BORCS8: variants seen among roughly 807,000 people sequenced by gnomAD.
BORCS8 encodes the protein BLOC-1-related complex subunit 8.
Under a neutral mutation model 18.7 loss-of-function variants are expected in BORCS8, and 13 were observed. The observed-to-expected ratio is 0.70, with a 90% CI of 0.45 to 1.11. The LOEUF is 1.11. Among genes scored for constraint, BORCS8 ranks in the 50% least tolerant of loss-of-function variants. BORCS8 has a pLI of 0.00. For synonymous variants in BORCS8, 68 were observed against 64.8 expected (o/e 1.05, Z -0.24); for missense variants, 165 against 165.7 (o/e 1.00, Z 0.02).
chr19:19,190,317 G>C (rs1267422913), intron 1 of BORCS8, among the ~76,000 whole-genome samples: 4 of 152,216 alleles, frequency 2.6e-5, no homozygotes, highest in Non-Finnish European at 4.4e-5. Flanking sequence ...TTGCTACAGA[G>C]ATGAATCCAA....
intron 5 of BORCS8, chr19:19,180,392 C>T (rs1186012052): frequency 2.2e-6 from 1 of 455,990 alleles, no homozygotes; most frequent in East Asian, 4.5e-5. Flanking sequence ...GGGCTCCCTT[C>T]TCTGTCTTGG....
chr19:19,184,255 G>A (rs1327938178), intron 3 of BORCS8, among the ~76,000 whole-genome samples: 1 of 151,264 alleles, frequency 6.6e-6, no homozygotes. Flanking sequence ...GGCACAGCTA[G>A]AGGAAGCAGA....
intron 1 of BORCS8, among the ~76,000 whole-genome samples, chr19:19,191,272 G>C (rs1408797512): frequency 6.6e-6 from 1 of 151,568 alleles, no homozygotes; most frequent in Non-Finnish European, 1.5e-5. Flanking sequence ...GCAGTGAGCT[G>C]AGATCCCCCC....
At chr19:19,181,869 A>C (rs984435218) in intron 4 of BORCS8, 1 of 985,358 alleles carries the variant, frequency 1.0e-6, no homozygotes, top group African/African-American at 1.7e-5. Flanking sequence ...TGCTCCTGGC[A>C]CATGAGTGTG....
At position 19,182,725 on chromosome 19, in the gene BORCS8, A is replaced by G; in HGVS notation, c.216-42T>C. ...GGCCTGGTCAGCGCTCCGGACCTGC[A>G]GGTAACTGTCCCACACCCCAGCACT... On this transcript the variant is annotated intron_variant, in intron 3 of 5. Transcript: ENST00000462790. This position sits in a 1 kb window ranked among gnomAD's most constrained non-coding sequence, Gnocchi z 4.1. The G allele has an allele frequency of 5.2e-6, 8 of 1,527,542 alleles. No individual in the cohort carries two copies. The highest frequency in any genetic ancestry group is 7.0e-6 in the Non-Finnish European group (8 of 1,135,296). 94.6% of individuals were successfully genotyped at this position (1,527,542 alleles called of 1,614,324 possible).
Position 19,182,391 on chromosome 19 carries a change from C to T in BORCS8, c.326+182G>A. 1 of 1,398,426 alleles carries T rather than the reference C, an allele frequency of 7.2e-7. No individual in the cohort carries two copies. Among genetic ancestry groups the T allele is most frequent in the South Asian group, 1.5e-5 (1 of 65,912 alleles). The allele number at this position is 1,398,426 out of a possible 1,614,324, so 86.6% of individuals were successfully genotyped here. On this transcript the variant is annotated intron_variant, in intron 4 of 5. Transcript: ENST00000462790. This position sits in a 1 kb window ranked among gnomAD's most constrained non-coding sequence, Gnocchi z 4.1. ...CCAGGCACACAGCAGAGCGCAGGAC[C>T]TCGGTATTAAGTGACTGAACTCAGG...
At chr19:19,180,603 G>A in intron 5 of BORCS8, 83 bp downstream of exon 5, 1 of 950,060 alleles carries the variant, frequency 1.1e-6, no homozygotes, top group Non-Finnish European at 1.7e-6. Flanking sequence ...GGTTAGACAA[G>A]CAGGTGCCTG....
intron 3 of BORCS8, among the ~76,000 whole-genome samples, chr19:19,185,259 T>C (rs950257459): frequency 2.0e-5 from 3 of 152,128 alleles, no homozygotes; most frequent in Non-Finnish European, 4.4e-5. Context: ...CCATGTCAGG[T>C]GCAAACAGCA....
chr19:19,185,273 C>T (rs1210286343), intron 3 of BORCS8, among the ~76,000 whole-genome samples: 1 of 152,234 alleles, frequency 6.6e-6, no homozygotes, highest in African/African-American at 2.4e-5. Context: ...AACAGCATGT[C>T]TGTGCAAAGT....
intron 4 of BORCS8, among the ~76,000 whole-genome samples, chr19:19,181,718 A>C (rs1485615759): frequency 6.6e-6 from 1 of 152,172 alleles, no homozygotes; most frequent in Non-Finnish European, 1.5e-5. Context: ...TCCCATTCTT[A>C]CACATACACT....
chr19:19,180,781 G>A lies in BORCS8; in HGVS notation c.327-20C>T, dbSNP rs2060340758. 3 of 1,540,572 alleles carry A rather than the reference G, an allele frequency of 1.9e-6. No individual in the cohort carries two copies. Among genetic ancestry groups the A allele is most frequent in the Admixed American group, 4.0e-5 (2 of 49,696 alleles). ...TCCGGGCTGCAACAAAACATGTGCA[G>A]CATCCATGAGGCCAAGGTCAGAGGC... On this transcript the variant is annotated intron_variant, in intron 4 of 5. Coordinates refer to ENST00000462790, the MANE Select transcript of BORCS8 (RefSeq NM_001145784.2).
chr19:19,183,924 C>T (rs2060378657), intron 3 of BORCS8, among the ~76,000 whole-genome samples: 1 of 148,524 alleles, frequency 6.7e-6, no homozygotes, highest in African/African-American at 2.5e-5. Context: ...CAAAGTCTCA[C>T]TTTGTTGCCC....
chr19:19,185,978 C>T (rs1024722447), intron 3 of BORCS8, 56 bp downstream of exon 3: 2 of 1,520,350 alleles, frequency 1.3e-6, no homozygotes, highest in Admixed American at 3.9e-5. Context: ...CCCTGAATGC[C>T]CAGGAGGCCA....
intron 1 of BORCS8, among the ~76,000 whole-genome samples, chr19:19,189,228 C>A (rs944530586): frequency 3.3e-5 from 5 of 152,148 alleles, no homozygotes; most frequent in African/African-American, 1.2e-4. Flanking sequence ...CTGTCCCATT[C>A]TTGGGCAGAT....
chr19:19,180,278 G>A (rs2075491625), intron 5 of BORCS8: 1 of 222,216 alleles, frequency 4.5e-6, no homozygotes, highest in Non-Finnish European at 9.1e-6. Flanking sequence ...AGATGGGTGG[G>A]GAGGTCCCAG....
chr19:19,186,770 T>TCTATCCCAGATCTGTCCAC, intron 2 of BORCS8, 123 bp downstream of exon 2: 1 of 630,154 alleles, frequency 1.6e-6, no homozygotes, highest in East Asian at 2.9e-5. Context: ...TCCTTCAAAA[T>TCTATCCCAGATCTGTCCAC]CTATCCCAGA....
chr19:19,191,728 C>G (rs1347443735), intron 1 of BORCS8, among the ~76,000 whole-genome samples: 1 of 152,066 alleles, frequency 6.6e-6, no homozygotes, highest in African/African-American at 2.4e-5. Flanking sequence ...CACAGGCGTG[C>G]GCCACCACGC....
intron 1 of BORCS8, 27 bp downstream of exon 1, chr19:19,192,052 CCT>C: frequency 1.9e-6 from 3 of 1,551,266 alleles, no homozygotes; most frequent in Non-Finnish European, 2.6e-6. Context: ...TTACCGGCCC[CCT>C]CTGTCCCGCC....
chr19:19,177,914 C>G (rs1357837153), intron 5 of BORCS8: 1 of 152,828 alleles, frequency 6.5e-6, no homozygotes, highest in Non-Finnish European at 1.5e-5. Flanking sequence ...TGCGAAGTCT[C>G]GCTCTGTCGC....
Sources: gnomAD v4.1 joint callset for allele counts (sites outside exome capture counted in the v4.1 genomes callset) on GRCh38, gnomAD v4.1.1 for gene constraint, Gnocchi (gnomAD v3.1) non-coding constraint, MANE v1.5 for transcripts, NCBI Gene and HGNC (gene_info 2026-07-23, HGNC 2026-07-21) for gene names.